Variants in CCDC175 observed in about 807,000 individuals in gnomAD.
CCDC175 encodes the protein coiled-coil domain containing 175.
Under a neutral mutation model 114.6 loss-of-function variants are expected in CCDC175, and 100 were observed. The ratio of observed to expected loss-of-function variants is 0.87; its 90% CI spans 0.74 to 1.03. The LOEUF is 1.03. CCDC175 is among the 50% of genes least tolerant of loss of function. The pLI is 0.00. For synonymous variants in CCDC175, 306 were observed against 308.7 expected, an observed-to-expected ratio of 0.99 and a Z score of 0.09; for missense variants, 880 against 917.8, an observed-to-expected ratio of 0.96 and a Z score of 0.53.
intron 8 of CCDC175, among the ~76,000 whole-genome samples, chr14:59,550,362 T>A (rs1054108762): frequency 2.0e-5 from 3 of 152,176 alleles, no homozygotes; most frequent in Non-Finnish European, 2.9e-5. Flanking sequence ...TTGAATATTT[T>A]GAGGCTAAAT....
At chr14:59,515,159 G>A (rs1195032106) in intron 17 of CCDC175, among the ~76,000 whole-genome samples, 2 of 152,180 alleles carry the variant, frequency 1.3e-5, no homozygotes, top group African/African-American at 2.4e-5. Flanking sequence ...AAGAGCTCCT[G>A]AAGGAAGCAC....
chr14:59,528,029 C>G (rs1283623792), intron 14 of CCDC175, among the ~76,000 whole-genome samples: 1 of 152,020 alleles, frequency 6.6e-6, no homozygotes, highest in Non-Finnish European at 1.5e-5. Context: ...GAAGCAAATT[C>G]TAGACATCTT....
chr14:59,541,178 A>G (rs1430995941), intron 10 of CCDC175, among the ~76,000 whole-genome samples: 1 of 152,210 alleles, frequency 6.6e-6, no homozygotes, highest in African/African-American at 2.4e-5. Context: ...GAAGGAAAGA[A>G]TAACCCTATG....
chr14:59,526,499 T>A (rs1034093030), intron 15 of CCDC175, among the ~76,000 whole-genome samples: 2 of 150,114 alleles, frequency 1.3e-5, no homozygotes, highest in Non-Finnish European at 2.9e-5. Context: ...GAGGTTGCAG[T>A]AAGCCGAGAT....
At chr14:59,513,877 G>A (rs1056143682) in intron 17 of CCDC175, among the ~76,000 whole-genome samples, 2 of 152,152 alleles carry the variant, frequency 1.3e-5, no homozygotes, top group Non-Finnish European at 2.9e-5. Flanking sequence ...CCTCAAGCAC[G>A]TCCTTGACCC....
chr14:59,533,743 C>A (rs1894213653), intron 13 of CCDC175, among the ~76,000 whole-genome samples: 1 of 152,078 alleles, frequency 6.6e-6, no homozygotes, highest in Non-Finnish European at 1.5e-5. Flanking sequence ...AATCCCAGCA[C>A]TTTGGGAGGC....
intron 8 of CCDC175, among the ~76,000 whole-genome samples, chr14:59,546,118 T>C (rs112685158): frequency 0.02 from 3,070 of 152,272 alleles, 45 homozygotes; most frequent in Middle Eastern, 0.031. Context: ...TAATACACCA[T>C]GGAACATTAT....
At chr14:59,527,290 C>G in intron 14 of CCDC175, 116 bp from the exon 15 acceptor site, 1 of 549,390 alleles carries the variant, frequency 1.8e-6, no homozygotes, top group Non-Finnish European at 3.1e-6. Flanking sequence ...CAAAAACCAA[C>G]TGTCAGGCAC....
intron 15 of CCDC175, among the ~76,000 whole-genome samples, chr14:59,525,970 A>G (rs1893711229): frequency 6.6e-6 from 1 of 152,146 alleles, no homozygotes; most frequent in Admixed American, 6.6e-5. Context: ...CCTGGAACCA[A>G]TCCCCCATAG....
intron 19 of CCDC175, among the ~76,000 whole-genome samples, chr14:59,505,565 GA>G (rs1374302957): frequency 6.6e-6 from 1 of 152,098 alleles, no homozygotes; most frequent in East Asian, 1.9e-4. Context: ...TGCAAAAGAA[GA>G]AATTACAATT....
chr14:59,526,708 TC>T (rs1893761157), intron 15 of CCDC175, among the ~76,000 whole-genome samples: 1 of 152,166 alleles, frequency 6.6e-6, no homozygotes, highest in South Asian at 2.1e-4. Context: ...TGCTAATTCA[TC>T]CACTCCCCCA....
At chr14:59,544,070 G>C (rs1469496692) in intron 9 of CCDC175, among the ~76,000 whole-genome samples, 3 of 152,200 alleles carry the variant, frequency 2.0e-5, no homozygotes, top group African/African-American at 7.2e-5. Flanking sequence ...AGTTTCACCA[G>C]CTATAAAATG....
At chr14:59,570,536 G>A (rs1182008542) in intron 3 of CCDC175, among the ~76,000 whole-genome samples, 4 of 151,882 alleles carry the variant, frequency 2.6e-5, no homozygotes, top group Non-Finnish European at 4.4e-5. Flanking sequence ...AGTGCTCTGA[G>A]GAACATCTCT....
chr14:59,515,670 GT>G (rs1173810772), intron 17 of CCDC175, among the ~76,000 whole-genome samples: 1 of 152,098 alleles, frequency 6.6e-6, no homozygotes, highest in Non-Finnish European at 1.5e-5. Context: ...CATAAAGCAA[GT>G]CCTTAGAGAC....
intron 16 of CCDC175, 110 bp from the exon 17 acceptor site, chr14:59,521,786 T>A: frequency 1.5e-6 from 1 of 651,242 alleles, no homozygotes; most frequent in South Asian, 1.9e-5. Context: ...CCACCCACTA[T>A]TCTAGGTACA....
intron 8 of CCDC175, among the ~76,000 whole-genome samples, chr14:59,547,740 C>T (rs1895200459): frequency 6.6e-6 from 1 of 152,130 alleles, no homozygotes; most frequent in Non-Finnish European, 1.5e-5. Flanking sequence ...AACAACAAAG[C>T]TTCTCAATGG....
chr14:59,558,344 T>C (rs1034161712), intron 7 of CCDC175, among the ~76,000 whole-genome samples: 1 of 152,140 alleles, frequency 6.6e-6, no homozygotes, highest in African/African-American at 2.4e-5. Flanking sequence ...TCTGGTTACT[T>C]TGTGGAGAAA....
intron 5 of CCDC175, among the ~76,000 whole-genome samples, chr14:59,564,169 G>A (rs1896385485): frequency 6.6e-6 from 1 of 152,144 alleles, no homozygotes; most frequent in South Asian, 2.1e-4. Context: ...TGATTTAATA[G>A]TAAATCACCA....
At chr14:59,514,470 A>C (rs10134457) in intron 17 of CCDC175, among the ~76,000 whole-genome samples, 65,428 of 152,018 alleles carry the variant, frequency 0.43, 14,609 homozygotes, top group African/African-American at 0.54. Flanking sequence ...GAAGTCCTTA[A>C]AGGACCTGAT....
Sources: allele counts gnomAD v4.1 joint callset (sites outside exome capture counted in the v4.1 genomes callset), GRCh38; gene constraint gnomAD v4.1.1; transcripts MANE v1.5; gene names NCBI Gene and HGNC (gene_info 2026-07-23, HGNC 2026-07-21).